The following ARHGEF25 variants were observed in gnomAD, a reference collection of about 807,000 sequenced individuals.
ARHGEF25 encodes RAC/CDC42 exchange factor.
Under a neutral mutation model 74.0 loss-of-function variants are expected in ARHGEF25, and 42 were observed. That is an observed-to-expected ratio of 0.57 (90% CI 0.44 to 0.73). The LOEUF (loss-of-function observed/expected upper bound fraction) is 0.73, where lower values mean the gene tolerates loss of function less well. Among genes scored for constraint, ARHGEF25 ranks in the 30% least tolerant of loss-of-function variants. The pLI is 0.00. For synonymous variants in ARHGEF25, 293 were observed against 278.6 expected (o/e 1.05, Z -0.51); for missense variants, 645 against 725.5 (o/e 0.89, Z 1.27).
chr12:57,610,304 G>C (rs762874181), upstream of ARHGEF25: 36 of 1,544,640 alleles, frequency 2.3e-5, no homozygotes, highest in South Asian at 4.0e-4. Flanking sequence ...CGCCCTCCCT[G>C]GGCAGGAGGG....
At position 57,611,986 on chromosome 12, in the gene ARHGEF25, G is replaced by C. The variant is rs1322353675; in HGVS notation, c.92G>C (p.Gly31Ala). The change falls in exon 1 of 15, where the codon GGA becomes GCA. Residue 31 changes from glycine (G) to alanine (A), a missense_variant. Physicochemically the swap from Gly to Ala is moderately conservative, Grantham distance 60. Transcript: ENST00000286494. This position sits in a 1 kb window ranked among gnomAD's most constrained non-coding sequence, Gnocchi z 4.5. Reference sequence around the variant, plus strand: ...TGCGGCTGCTGCTTCGCCCGGGGGGGACGTGGTGAGTGCCAGGTCGAGAGG... The same window carrying C: ...TGCGGCTGCTGCTTCGCCCGGGGGGCACGTGGTGAGTGCCAGGTCGAGAGG... Reference protein sequence around the residue: ...AKCGCCFARGGRESYSIAGSE... With the variant: ...AKCGCCFARGARESYSIAGSE... The C allele has an allele frequency of 1.5e-6, 2 of 1,307,304 alleles. No homozygotes were observed. Among genetic ancestry groups the C allele is most frequent in the Non-Finnish European group, 2.0e-6 (2 of 1,019,810 alleles). The allele number at this position is 1,307,304 out of a possible 1,614,324, so 81.0% of individuals were successfully genotyped here.
Position 57,614,412 on chromosome 12 carries a change from G to A in ARHGEF25, c.726+12G>A. The A allele has an allele frequency of 1.9e-6, 3 of 1,614,146 alleles. No homozygotes were observed. Among genetic ancestry groups the A allele is most frequent in the Non-Finnish European group, 2.5e-6 (3 of 1,180,026 alleles). On this transcript the variant is annotated intron_variant, in intron 7 of 14. Transcript: ENST00000286494. The surrounding 1 kb of genome is among the most constrained non-coding windows in gnomAD (Gnocchi z 4.6). ...TATTCATCAAACACGTGAGGCTTGA[G>A]GGGGCAGGGCCTGGGGCGGGGCTTA...
chr12:57,610,868 G>T (rs1004731800), upstream of ARHGEF25, among the ~76,000 whole-genome samples: 6 of 152,132 alleles, frequency 3.9e-5, no homozygotes, highest in African/African-American at 1.4e-4. Context: ...AGTCGATCCC[G>T]AGCCCTCGCA....
chr12:57,610,800 T>G, upstream of ARHGEF25: 1 of 814,046 alleles, frequency 1.2e-6, no homozygotes, highest in Admixed American at 3.1e-5. Flanking sequence ...TGAGACCCAT[T>G]TAATCGCAGA....
At position 57,615,648 on chromosome 12, in the gene ARHGEF25, A is replaced by G. The variant is rs200042882; in HGVS notation, c.1175A>G (p.Glu392Gly). The change falls in exon 12 of 15, where the codon GAA (glutamate) becomes GGA (glycine). Residue 392 changes from glutamate to glycine, a missense_variant. This residue lies in a region of ARHGEF25 where 262 missense variants were observed against 256.9 expected (regional missense o/e 1.02). Coordinates refer to ENST00000286494, the MANE Select transcript of ARHGEF25 (RefSeq NM_182947.4). ...TTTGAGCAAATCATCATCTTCAGTGAAGCCCTGGGAGGAGGAGTGAGAGGT... is the reference window on the plus strand; with the variant it reads ...TTTGAGCAAATCATCATCTTCAGTGGAGCCCTGGGAGGAGGAGTGAGAGGT... The part of the protein sequence containing the change: ...FLFEQIIIFS[E>G]ALGGGVRGGT... The G allele has an allele frequency of 6.2e-7, 1 of 1,614,150 alleles. No individual in the cohort carries two copies. The highest frequency in any genetic ancestry group is 1.3e-5 in the African/African-American group (1 of 75,030).
At chr12:57,613,214 G>A (rs1403054169) in intron 2 of ARHGEF25, 50 bp from the exon 3 acceptor site, 2 of 1,610,216 alleles carry the variant, frequency 1.2e-6, no homozygotes, top group Non-Finnish European at 1.7e-6. Context: ...GCAAGTTGGG[G>A]CCACCCAGCT....
At chr12:57,611,308 T>G, upstream of ARHGEF25, 1 of 316,966 alleles carries the variant, frequency 3.2e-6, no homozygotes, top group Non-Finnish European at 4.5e-6. This position sits in a 1 kb window ranked among gnomAD's most constrained non-coding sequence, Gnocchi z 4.5. Context: ...AGTGGGAACG[T>G]GGTGGTGTCT....
At chr12:57,613,786 C>T in intron 5 of ARHGEF25, 26 bp downstream of exon 5, 1 of 1,611,648 alleles carries the variant, frequency 6.2e-7, no homozygotes, top group Non-Finnish European at 8.5e-7. Flanking sequence ...CCTTCCCAGC[C>T]CCTCCTGCCT....
chr12:57,616,415 C>G lies in ARHGEF25; in HGVS notation c.1552C>G (p.Pro518Ala), dbSNP rs1370132779. ...TCAGGCCCAGGGCAGCACACACACA[C>G]CCATCAATGGCTCTCTCCCCTCTCT... ...GDQAQGSTHTPINGSLPSLLL... is the reference protein window; with the variant it reads ...GDQAQGSTHTAINGSLPSLLL... Residue 518 changes from proline (P) to alanine (A), a missense_variant, in exon 14 of 15, where the codon CCC becomes GCC. Physicochemically the swap from Pro to Ala is conservative, Grantham distance 27. Around this residue, in one of 3 missense-constraint regions of ARHGEF25, gnomAD observed 262 missense variants for 256.9 expected, o/e 1.02. Coordinates refer to ENST00000286494, the MANE Select transcript of ARHGEF25 (RefSeq NM_182947.4). 2 of 1,614,054 alleles carry G rather than the reference C, an allele frequency of 1.2e-6. No individual in the cohort carries two copies. Among genetic ancestry groups the G allele is most frequent in the Non-Finnish European group, 1.7e-6 (2 of 1,180,030 alleles).
Position 57,615,012 on chromosome 12 carries a change from C to G in ARHGEF25, c.955C>G (p.Leu319Val). The G allele has an allele frequency of 6.2e-7, 1 of 1,614,084 alleles. No homozygotes were observed. The highest frequency in any genetic ancestry group is 8.5e-7 in the Non-Finnish European group (1 of 1,179,984). ...TAGAGCTGGGATGGATACTGCAGACCTAGAGGTGAGGACCCCAGATCTTCC... is the reference window on the plus strand; with the variant it reads ...TAGAGCTGGGATGGATACTGCAGACGTAGAGGTGAGGACCCCAGATCTTCC... Reference protein sequence around the residue: ...YNRAGMDTADLEQAVEVMCFV... With the variant: ...YNRAGMDTADVEQAVEVMCFV... The change falls in exon 10 of 15, where the codon CTA becomes GTA. Residue 319 changes from leucine to valine, a missense_variant. By Grantham distance (32) the Leu-to-Val change is conservative. Coordinates refer to ENST00000286494, the MANE Select transcript of ARHGEF25 (RefSeq NM_182947.4).
At chr12:57,615,083 C>T (rs551828735) in intron 10 of ARHGEF25, 66 bp downstream of exon 10, 3 of 1,600,374 alleles carry the variant, frequency 1.9e-6, no homozygotes, top group South Asian at 2.2e-5. Context: ...TCATGGGTTC[C>T]CCCAGCCCCT....
upstream of ARHGEF25, chr12:57,610,642 A>G (rs1284525211): frequency 1.2e-6 from 2 of 1,612,242 alleles, no homozygotes; most frequent in South Asian, 2.2e-5. Flanking sequence ...AGATCACAGA[A>G]GGGATCGCGA....
intron 10 of ARHGEF25, 65 bp downstream of exon 10, chr12:57,615,082 C>T: frequency 6.3e-7 from 1 of 1,596,636 alleles, no homozygotes; most frequent in Non-Finnish European, 8.6e-7. Flanking sequence ...CTCATGGGTT[C>T]CCCCAGCCCC....
In ARHGEF25 at chr12:57,611,832, C is replaced by A; in HGVS notation, c.-63C>A. 1 of 1,199,028 alleles carries A rather than the reference C, an allele frequency of 8.3e-7. No individual in the cohort carries two copies. The highest frequency in any genetic ancestry group is 1.0e-6 in the Non-Finnish European group (1 of 952,474). 74.3% of individuals were successfully genotyped at this position (1,199,028 alleles called of 1,614,324 possible). On this transcript the variant is annotated 5_prime_UTR_variant, in exon 1 of 15. Transcript: ENST00000286494. The surrounding 1 kb of genome is among the most constrained non-coding windows in gnomAD (Gnocchi z 4.5). ...TGTGCGCCCGGCGCCGTCCCCGCCC[C>A]GCCCCCCGTGATTCCCCCTGCATGG...
chr12:57,611,447 G>A lies in ARHGEF25; in HGVS notation c.-448G>A. ...GGCCAGGCCTGTTATTCAGCTCTCC[G>A]CTCCGCTGGGACCCGCACAGCGCCA... On this transcript the variant is annotated 5_prime_UTR_variant, in exon 1 of 15. Transcript: ENST00000286494. This position sits in a 1 kb window ranked among gnomAD's most constrained non-coding sequence, Gnocchi z 4.5. 1 of 985,374 alleles carries A rather than the reference G, an allele frequency of 1.0e-6. No homozygotes were observed. 61.0% of individuals were successfully genotyped at this position (985,374 alleles called of 1,614,324 possible).
intron 11 of ARHGEF25, 57 bp downstream of exon 11, chr12:57,615,371 A>C: frequency 6.3e-7 from 1 of 1,581,672 alleles, no homozygotes; most frequent in East Asian, 2.2e-5. Flanking sequence ...CAGCCCTAGC[A>C]TTCAGGAGGT....
chr12:57,610,466 G>T (rs1883992757), upstream of ARHGEF25: 1 of 1,153,328 alleles, frequency 8.7e-7, no homozygotes, highest in Non-Finnish European at 1.2e-6. Flanking sequence ...CGTTCTGGGC[G>T]AGCCTTTTAT....
In ARHGEF25 at chr12:57,615,284, G is replaced by T. The variant is rs749063493; in HGVS notation, c.1008G>T (p.Met336Ile). 1 of 1,609,150 alleles carries T rather than the reference G, an allele frequency of 6.2e-7. No individual in the cohort carries two copies. The highest frequency in any genetic ancestry group is 8.5e-7 in the Non-Finnish European group (1 of 1,177,952). The change falls in exon 11 of 15, where the codon ATG becomes ATT. Residue 336 changes from methionine (M) to isoleucine (I), a missense_variant. Transcript: ENST00000286494. ...MCFVPKRCND[M>I]MTLGRLRGFE... ...TTGTGCCCAAGCGCTGCAACGATAT[G>T]ATGACGCTGGGGAGATTGCGGGGAT... is the stretch of plus-strand genomic sequence containing the variant.
intron 1 of ARHGEF25, chr12:57,612,381 G>A (rs1307969013): frequency 1.2e-5 from 2 of 160,266 alleles, no homozygotes; most frequent in Middle Eastern, 2.9e-3. Flanking sequence ...GCTCTCTGTC[G>A]CTGAGCACAG....
Sources: gnomAD v4.1 joint callset for allele counts (sites outside exome capture counted in the v4.1 genomes callset) on GRCh38, gnomAD v4.1.1 for gene constraint, gnomAD v4.1.1 regional missense constraint, Gnocchi (gnomAD v3.1) non-coding constraint, MANE v1.5 for transcripts, NCBI Gene and HGNC (gene_info 2026-07-23, HGNC 2026-07-21) for gene names.